AFF2: variants seen among roughly 807,000 people sequenced by gnomAD.
AFF2 encodes AF4/FMR2 family member 2.
Under a neutral mutation model 76.9 loss-of-function variants are expected in AFF2, and 14 were observed. The observed-to-expected ratio is 0.18, with a 90% CI of 0.12 to 0.28. The LOEUF is 0.28. AFF2 is among the 10% of genes least tolerant of loss of function. AFF2 has a pLI of 1.00. For missense variants in AFF2, 868 were observed against 1,001.1 expected, an observed-to-expected ratio of 0.87 and a Z score of 1.79; for synonymous variants, 398 against 366.7, an observed-to-expected ratio of 1.09 and a Z score of -0.98.
chrX:148,742,127 G>A (rs782638192), intron 3 of AFF2, among the ~76,000 whole-genome samples: 1 of 111,744 alleles, frequency 8.9e-6, no homozygotes, highest in Non-Finnish European at 1.9e-5. Flanking sequence ...ATGCTGCTCT[G>A]TCTGGAGCTG....
At chrX:148,747,435 A>G (rs2055434644) in intron 3 of AFF2, among the ~76,000 whole-genome samples, 2 of 111,910 alleles carry the variant, frequency 1.8e-5, no homozygotes, top group Non-Finnish European at 3.8e-5. Context: ...GCAAAAAAAA[A>G]TATTGTAGCT....
At chrX:148,667,302 T>C (rs1430235052) in intron 3 of AFF2, among the ~76,000 whole-genome samples, 4 of 112,306 alleles carry the variant, frequency 3.6e-5, no homozygotes, top group African/African-American at 1.3e-4. Context: ...TATTGTGAGT[T>C]AGATAGTAAA....
At chrX:148,862,531 G>A (rs1243399093) in intron 7 of AFF2, among the ~76,000 whole-genome samples, 7 of 111,714 alleles carry the variant, frequency 6.3e-5, no homozygotes, top group African/African-American at 2.3e-4. Context: ...GCACTGCTTG[G>A]CTCTATTAAC....
intron 1 of AFF2, among the ~76,000 whole-genome samples, chrX:148,549,405 TGTAA>T (rs1368830444): frequency 2.7e-5 from 3 of 112,264 alleles, no homozygotes; most frequent in Non-Finnish European, 3.8e-5. Context: ...GTTTGCACAG[TGTAA>T]GTGAGTTTCC....
At chrX:148,725,552 G>T (rs1173663317) in intron 3 of AFF2, among the ~76,000 whole-genome samples, 1 of 111,653 alleles carries the variant, frequency 9.0e-6, no homozygotes, top group Non-Finnish European at 1.9e-5. Flanking sequence ...AGCTTACTAA[G>T]ATATGGCTGG....
At chrX:148,982,447 T>C (rs941135976) in intron 19 of AFF2, among the ~76,000 whole-genome samples, 33 of 111,976 alleles carry the variant, frequency 2.9e-4, no homozygotes, top group African/African-American at 9.4e-4. Context: ...AACAAGGTGC[T>C]GTGGAAGCCT....
intron 7 of AFF2, among the ~76,000 whole-genome samples, chrX:148,861,566 A>G (rs782040327): frequency 8.9e-6 from 1 of 111,755 alleles, no homozygotes; most frequent in Non-Finnish European, 1.9e-5. Flanking sequence ...AGAGGGGTGT[A>G]GAATATGAAG....
chrX:148,680,350 T>C (rs2054533613), intron 3 of AFF2, among the ~76,000 whole-genome samples: 1 of 112,074 alleles, frequency 8.9e-6, no homozygotes, highest in Admixed American at 9.5e-5. Flanking sequence ...TGTATGCAGT[T>C]GTGTGATAAC....
chrX:148,507,875 A>G (rs1245044582), intron 1 of AFF2, among the ~76,000 whole-genome samples: 2 of 112,300 alleles, frequency 1.8e-5, no homozygotes, highest in Non-Finnish European at 3.8e-5. Flanking sequence ...CAGAGCTGAC[A>G]ATAGCACTAT....
intron 3 of AFF2, among the ~76,000 whole-genome samples, chrX:148,729,272 G>A (rs1451137255): frequency 5.4e-5 from 6 of 111,885 alleles, no homozygotes; most frequent in African/African-American, 9.7e-5. Flanking sequence ...AAAGAAGAGC[G>A]TGATAATAGA....
Position 148,649,752 on chromosome X carries a change from C to T in AFF2, c.48-2247C>T, listed in dbSNP as rs2054185174. On this transcript the variant is annotated intron_variant, in intron 1 of 20. Coordinates refer to ENST00000370460, the MANE Select transcript of AFF2 (RefSeq NM_002025.4). ...TGCAAGCTGAAGCACGTTTCCTTTT[C>T]TTCTCCTTCTCCTTTCTTTTTCCTT... 2.7e-5 allele frequency among the ~76,000 whole-genome samples: 3 copies of T among 111,825 alleles called. No homozygotes were observed. In the South Asian group the frequency reaches 1.1e-3, roughly 42 times the overall value.
chrX:148,979,056 A>G (rs1245000018), intron 18 of AFF2, among the ~76,000 whole-genome samples: 2 of 112,201 alleles, frequency 1.8e-5, no homozygotes, highest in Non-Finnish European at 3.8e-5. Context: ...GAATGAGCCC[A>G]GGTAAAAATT....
rs59057839 is a variant in AFF2 at position 148,975,943 on chromosome X, C to CAAAAAAAAAAAAAAAAA, written c.3405-1985_3405-1969dup. Reference sequence around the variant, plus strand: ...TGGGCGACAGAGCGAGACTCCGTCTCAAAAAAAAAAAAAAAAAAAAATATG... The same window carrying CAAAAAAAAAAAAAAAAA: ...TGGGCGACAGAGCGAGACTCCGTCTCAAAAAAAAAAAAAAAAAAAAAAAAAAAAAAAAAAAAAATATG... On this transcript the variant is annotated intron_variant, in intron 16 of 20. Coordinates refer to ENST00000370460, the MANE Select transcript of AFF2 (RefSeq NM_002025.4). 7.5e-4 allele frequency among the ~76,000 whole-genome samples: 17 copies of CAAAAAAAAAAAAAAAAA among 22,685 alleles called. 1 individual carries two copies. The highest frequency in any genetic ancestry group is 4.2e-3 in the Admixed American group (4 of 946). The allele number at this position is 22,685 out of a possible 115,157, so 19.7% of individuals were successfully genotyped here.
chrX:148,795,199 A>G (rs2069951767), intron 3 of AFF2, among the ~76,000 whole-genome samples: 1 of 111,678 alleles, frequency 9.0e-6, no homozygotes, highest in Non-Finnish European at 1.9e-5. Context: ...TCATCCTCAT[A>G]TATAAATTCC....
At chrX:148,880,559 C>CA in intron 7 of AFF2, among the ~76,000 whole-genome samples, 1 of 111,662 alleles carries the variant, frequency 9.0e-6, no homozygotes, top group Admixed American at 9.5e-5. Flanking sequence ...TTATTATCCT[C>CA]AAAGTCAATT....
chrX:148,902,342 C>T (rs1557280979), intron 8 of AFF2, among the ~76,000 whole-genome samples: 1 of 112,173 alleles, frequency 8.9e-6, no homozygotes, highest in Non-Finnish European at 1.9e-5. Context: ...TAACCTAAGT[C>T]TTCTAGAACA....
chrX:148,533,184 C>G (rs1464342785), intron 1 of AFF2, among the ~76,000 whole-genome samples: 1 of 111,869 alleles, frequency 8.9e-6, no homozygotes, highest in Non-Finnish European at 1.9e-5. Flanking sequence ...TTTCCTTTCA[C>G]CAAAAAGTGT....
intron 7 of AFF2, among the ~76,000 whole-genome samples, chrX:148,859,460 G>A (rs1321017923): frequency 9.0e-6 from 1 of 110,650 alleles, no homozygotes; most frequent in African/African-American, 3.3e-5. Context: ...TACAATCTAG[G>A]GGAGAGGGTC....
chrX:148,569,352 C>T (rs186971686), intron 1 of AFF2, among the ~76,000 whole-genome samples: 1,122 of 111,536 alleles, frequency 0.01, 7 homozygotes, highest in Non-Finnish European at 0.016. Flanking sequence ...CTTAACATTT[C>T]GCTTTTACCA....
Sources: allele counts gnomAD v4.1 joint callset (sites outside exome capture counted in the v4.1 genomes callset), GRCh38; gene constraint gnomAD v4.1.1; transcripts MANE v1.5; gene names NCBI Gene and HGNC (gene_info 2026-07-23, HGNC 2026-07-21).